SUSD4: variants seen among roughly 807,000 people sequenced by gnomAD.
SUSD4 encodes the protein sushi domain containing 4, also known as sushi domain-containing protein 4.
In SUSD4, 41 loss-of-function variants were observed where a neutral mutation model predicts 50.5. That is an observed-to-expected ratio of 0.81 (90% confidence interval 0.63 to 1.05). The LOEUF (loss-of-function observed/expected upper bound fraction) is 1.05. Among genes scored for constraint, SUSD4 ranks in the 50% least tolerant of loss-of-function variants. The pLI is 0.00. For synonymous variants in SUSD4, 257 were observed against 257.3 expected (o/e 1.00, Z 0.01); for missense variants, 580 against 634.7 (o/e 0.91, Z 0.93).
intron 5 of SUSD4, among the ~76,000 whole-genome samples, chr1:223,255,087 G>A (rs2103051782): frequency 6.6e-6 from 1 of 152,278 alleles, no homozygotes; most frequent in East Asian, 1.9e-4. Context: ...AAAAGGGGAT[G>A]GTATGTACTA....
At chr1:223,240,206 T>A (rs1660485677) in intron 5 of SUSD4, among the ~76,000 whole-genome samples, 1 of 152,074 alleles carries the variant, frequency 6.6e-6, no homozygotes, top group Non-Finnish European at 1.5e-5. Context: ...TCTTTCAGAA[T>A]TTTTTTATTT....
chr1:223,237,298 A>G (rs1481632088), intron 5 of SUSD4, among the ~76,000 whole-genome samples: 2 of 152,028 alleles, frequency 1.3e-5, no homozygotes, highest in African/African-American at 4.8e-5. Flanking sequence ...CCTGTGAAAA[A>G]GATAGTTTTA....
At chr1:223,360,379 A>AT (rs1668906887) in intron 2 of SUSD4, 1 of 360,094 alleles carries the variant, frequency 2.8e-6, no homozygotes, top group East Asian at 8.2e-5. Flanking sequence ...GCAGGGTCCT[A>AT]TATCTCCCCA....
chr1:223,278,955 A>G (rs995602453), intron 3 of SUSD4, among the ~76,000 whole-genome samples: 2 of 152,234 alleles, frequency 1.3e-5, no homozygotes, highest in African/African-American at 4.8e-5. Context: ...CCAGGCAAAC[A>G]GGGTCTGGAG....
chr1:223,273,385 T>C (rs995373773), intron 3 of SUSD4, among the ~76,000 whole-genome samples: 1 of 152,196 alleles, frequency 6.6e-6, no homozygotes, highest in African/African-American at 2.4e-5. Flanking sequence ...AAGGATTAAC[T>C]TACCCAAGGA....
chr1:223,360,723 C>T (rs1328934007), intron 2 of SUSD4, among the ~76,000 whole-genome samples: 3 of 152,062 alleles, frequency 2.0e-5, no homozygotes, highest in East Asian at 3.9e-4. Flanking sequence ...CTTGCCATTG[C>T]GGTGTTCCTT....
chr1:223,363,363 C>T lies in SUSD4; in HGVS notation c.63G>A (p.Gln21=), dbSNP rs776973205. ...AGAGTCTCTGGGGGGACTGAGGTTGCTGCTGCTGCTGCTGCTGCTCTAGAA... is the reference window on the plus strand; with the variant it reads ...AGAGTCTCTGGGGGGACTGAGGTTGTTGCTGCTGCTGCTGCTGCTCTAGAA... ...DGFLEQQQQQ[Q]QPQSPQRLLA... Residue 21 remains glutamine (Q), a synonymous_variant, in exon 2 of 9, where the codon CAG becomes CAA. Transcript: ENST00000366878. 6.4e-7 allele frequency: 1 copy of T among 1,562,254 alleles called. No individual in the cohort carries two copies. Among genetic ancestry groups the T allele is most frequent in the Non-Finnish European group, 8.6e-7 (1 of 1,162,426 alleles).
chr1:223,319,152 T>C (rs1320514947), intron 2 of SUSD4, among the ~76,000 whole-genome samples: 4 of 64,470 alleles, frequency 6.2e-5, no homozygotes, highest in Non-Finnish European at 9.1e-5. Context: ...CAAAAATCAA[T>C]TCAAGATGGA....
intron 7 of SUSD4, among the ~76,000 whole-genome samples, chr1:223,226,657 C>T (rs1659540141): frequency 6.6e-6 from 1 of 152,128 alleles, no homozygotes; most frequent in Non-Finnish European, 1.5e-5. Context: ...AGCAATAGTC[C>T]CTTTTTCAGG....
chr1:223,253,636 C>G (rs777629482), intron 5 of SUSD4, among the ~76,000 whole-genome samples: 2 of 152,074 alleles, frequency 1.3e-5, no homozygotes, highest in African/African-American at 2.4e-5. Context: ...GAAAAAGGCC[C>G]CTGAAATGAC....
upstream of SUSD4, chr1:223,364,184 G>A (rs1669181121): frequency 6.6e-6 from 1 of 151,766 alleles, no homozygotes; most frequent in African/African-American, 2.4e-5. This position sits in a 1 kb window ranked among gnomAD's most constrained non-coding sequence, Gnocchi z 4.5. Context: ...TTCGGCGGCG[G>A]CGCTCGGCTC....
chr1:223,349,714 C>T (rs866735786), intron 2 of SUSD4, among the ~76,000 whole-genome samples: 7 of 152,194 alleles, frequency 4.6e-5, no homozygotes, highest in Non-Finnish European at 8.8e-5. Flanking sequence ...CACCTAATTG[C>T]CACTTCCTTC....
intron 1 of SUSD4, 134 bp from the exon 2 acceptor site, chr1:223,363,594 G>T: frequency 9.2e-7 from 1 of 1,084,436 alleles, no homozygotes; most frequent in Non-Finnish European, 1.3e-6. Flanking sequence ...CGCGGCCCCC[G>T]CCCCCTTTCC....
At chr1:223,260,269 T>C (rs1662010492) in intron 5 of SUSD4, among the ~76,000 whole-genome samples, 1 of 152,248 alleles carries the variant, frequency 6.6e-6, no homozygotes, top group African/African-American at 2.4e-5. Context: ...GAAGGAATTA[T>C]GTCCTTTCCT....
chr1:223,289,114 T>C (rs1664322805), intron 3 of SUSD4: 2 of 985,476 alleles, frequency 2.0e-6, no homozygotes, highest in Admixed American at 1.2e-4. Flanking sequence ...CTTTAGTCAC[T>C]GTACTTACTA....
intron 5 of SUSD4, chr1:223,264,261 G>A (rs1007504130): frequency 9.0e-6 from 9 of 1,002,696 alleles, no homozygotes; most frequent in African/African-American, 3.5e-5. Context: ...AGGAAACAGC[G>A]ACACAACAAT....
At chr1:223,330,879 T>TATTC (rs1256123175) in intron 2 of SUSD4, among the ~76,000 whole-genome samples, 1 of 152,126 alleles carries the variant, frequency 6.6e-6, no homozygotes, top group African/African-American at 2.4e-5. Flanking sequence ...ATCACAGAAG[T>TATTC]ATTCACCTAT....
chr1:223,234,856 T>C, intron 5 of SUSD4: 1 of 1,427,938 alleles, frequency 7.0e-7, no homozygotes, highest in Non-Finnish European at 9.2e-7. Flanking sequence ...GTTCTTCCCT[T>C]GATGCACTAA....
At position 223,221,875 on chromosome 1, in the gene SUSD4, G is replaced by A. The variant is rs1048997167; in HGVS notation, c.*317C>T. ...CAGTCAATGGGATGCGTGATGATTC[G>A]GTGGGATGTGCGTGGAATTGTCCCA... On this transcript the variant is annotated 3_prime_UTR_variant, in exon 9 of 9. Coordinates refer to ENST00000366878, the MANE Select transcript of SUSD4 (RefSeq NM_017982.4). 4.5e-5 allele frequency: 13 copies of A among 288,334 alleles called. No individual in the cohort carries two copies. The highest frequency in any genetic ancestry group is 2.6e-4 in the African/African-American group (12 of 45,948). The allele number at this position is 288,334 out of a possible 1,614,324, so 17.9% of individuals were successfully genotyped here.
Sources: allele counts gnomAD v4.1 joint callset (sites outside exome capture counted in the v4.1 genomes callset), GRCh38; gene constraint gnomAD v4.1.1; non-coding constraint Gnocchi (gnomAD v3.1); transcripts MANE v1.5; gene names NCBI Gene and HGNC (gene_info 2026-07-23, HGNC 2026-07-21).